The following BCAS3 variants were observed in gnomAD, a reference collection of about 807,000 sequenced individuals.
BCAS3 encodes the protein BCAS4/BCAS3 fusion.
BCAS3 carries 53 observed loss-of-function variants against 116.1 expected under a neutral mutation model. The observed-to-expected ratio is 0.46, with a 90% CI of 0.37 to 0.57. BCAS3 has a LOEUF of 0.57. BCAS3 is among the 20% of genes least tolerant of loss of function. The pLI is 0.00. For missense variants in BCAS3, 917 were observed against 1,165.4 expected, an observed-to-expected ratio of 0.79 and a Z score of 3.10; for synonymous variants, 391 against 408.2, an observed-to-expected ratio of 0.96 and a Z score of 0.51.
At chr17:61,061,382 A>T (rs1789520335) in intron 19 of BCAS3, among the ~76,000 whole-genome samples, 1 of 151,876 alleles carries the variant, frequency 6.6e-6, no homozygotes, top group African/African-American at 2.4e-5. Context: ...TGCAAACATC[A>T]CCCCCCATCC....
intron 6 of BCAS3, among the ~76,000 whole-genome samples, chr17:60,776,408 T>C (rs2045287076): frequency 6.6e-6 from 1 of 152,200 alleles, no homozygotes; most frequent in Admixed American, 6.5e-5. Context: ...TGTCCTTCTT[T>C]AACCTATCTT....
intron 22 of BCAS3, among the ~76,000 whole-genome samples, chr17:61,169,867 T>C (rs2078730123): frequency 6.6e-6 from 1 of 152,170 alleles, no homozygotes; most frequent in East Asian, 1.9e-4. Context: ...TATTTTCTTT[T>C]CTTTTGAGAC....
intron 6 of BCAS3, among the ~76,000 whole-genome samples, chr17:60,754,761 A>G (rs986704871): frequency 5.3e-5 from 8 of 150,788 alleles, no homozygotes; most frequent in Non-Finnish European, 7.4e-5. Flanking sequence ...CAGCCGAAAC[A>G]CTAGCAAGCC....
intron 22 of BCAS3, among the ~76,000 whole-genome samples, chr17:61,328,814 G>C (rs909946157): frequency 2.0e-5 from 3 of 151,748 alleles, no homozygotes; most frequent in African/African-American, 7.3e-5. Context: ...GGTGTGTGCT[G>C]AGGACCCACT....
Position 61,388,270 on chromosome 17 carries a change from C to T in BCAS3, c.2594-3707C>T. On this transcript the variant is annotated intron_variant, in intron 23 of 23. Transcript: ENST00000407086. The surrounding 1 kb of genome is among the most constrained non-coding windows in gnomAD (Gnocchi z 6.5). ...TCCCTGTCCTCCTCCAGCAACCCAC[C>T]TGCATGGGGTCCCATCTGGCACTGC... 1 of 230,626 alleles carries T rather than the reference C, an allele frequency of 4.3e-6. No individual in the cohort carries two copies. The highest frequency in any genetic ancestry group is 8.6e-6 in the Non-Finnish European group (1 of 116,640). The allele number at this position is 230,626 out of a possible 1,614,324, so 14.3% of individuals were successfully genotyped here.
chr17:61,047,944 G>A lies in BCAS3; in HGVS notation c.2029+7052G>A, dbSNP rs916339695. Among the ~76,000 whole-genome samples the A allele has an allele frequency of 7.9e-5, 12 of 152,096 alleles. 1 individual carries two copies. Among genetic ancestry groups the A allele is most frequent in the African/African-American group, 2.9e-4 (12 of 41,532 alleles). On this transcript the variant is annotated intron_variant, in intron 19 of 23. Transcript: ENST00000407086. ...ACTTCTTTCTAAATCAGGCTGTGATGTGTGAAAAGTTCCTCTGTAAACTTA... is the reference window on the plus strand; with the variant it reads ...ACTTCTTTCTAAATCAGGCTGTGATATGTGAAAAGTTCCTCTGTAAACTTA...
At chr17:60,874,611 A>C in intron 8 of BCAS3, 51 bp from the exon 9 acceptor site, 1 of 1,309,334 alleles carries the variant, frequency 7.6e-7, no homozygotes, top group Non-Finnish European at 1.1e-6. Flanking sequence ...CACTTACAGA[A>C]TTTCACATTC....
rs142627989 is a variant in BCAS3, at chr17:61,253,831, T to A, written c.2426-114496T>A. ...GACTTTAGAGATGATTAAGTATACATTACAGTTCGGCCTCCACGGTTTACA... is the reference window on the plus strand; with the variant it reads ...GACTTTAGAGATGATTAAGTATACAATACAGTTCGGCCTCCACGGTTTACA... On this transcript the variant is annotated intron_variant, in intron 22 of 23. Coordinates refer to ENST00000407086, the MANE Select transcript of BCAS3 (RefSeq NM_017679.5). 3.4e-4 allele frequency among the ~76,000 whole-genome samples: 52 copies of A among 152,222 alleles called. No homozygotes were observed. The East Asian group carries it at 8.3e-3, about 24-fold the overall frequency.
intron 4 of BCAS3, among the ~76,000 whole-genome samples, chr17:60,695,540 TC>T (rs1449005617): frequency 6.6e-6 from 1 of 152,238 alleles, no homozygotes; most frequent in Non-Finnish European, 1.5e-5. Flanking sequence ...AATTGTTGTA[TC>T]ATATGGTAAT....
At chr17:60,725,987 C>T (rs1359483070) in intron 5 of BCAS3, among the ~76,000 whole-genome samples, 2 of 152,144 alleles carry the variant, frequency 1.3e-5, no homozygotes, top group Non-Finnish European at 1.5e-5. Flanking sequence ...CCTCCACCTC[C>T]TGAGTTCAAG....
chr17:60,791,233 A>G (rs1189901238), intron 6 of BCAS3, among the ~76,000 whole-genome samples: 1 of 152,242 alleles, frequency 6.6e-6, no homozygotes, highest in East Asian at 1.9e-4. Context: ...AGTCTTAATT[A>G]TTATAATCAC....
intron 22 of BCAS3, among the ~76,000 whole-genome samples, chr17:61,120,679 TTGTAAATATTTTA>T (rs753625180): frequency 3.3e-5 from 5 of 152,086 alleles, no homozygotes; most frequent in Non-Finnish European, 7.4e-5. Flanking sequence ...GATACTTCAT[TTGTAAATATTTTA>T]GTACATATCT....
At chr17:60,855,765 G>C (rs1374929284) in intron 7 of BCAS3, among the ~76,000 whole-genome samples, 1 of 151,958 alleles carries the variant, frequency 6.6e-6, no homozygotes, top group African/African-American at 2.4e-5. Flanking sequence ...GCCCACTGCA[G>C]CCTCAACCCC....
At position 61,077,386 on chromosome 17, in the gene BCAS3, G is replaced by A. The variant is rs865838079; in HGVS notation, c.2131-947G>A. 2.0e-5 allele frequency among the ~76,000 whole-genome samples: 3 copies of A among 152,036 alleles called. No homozygotes were observed. The highest frequency in any genetic ancestry group is 4.8e-5 in the African/African-American group (2 of 41,406). On this transcript the variant is annotated intron_variant, in intron 20 of 23. Coordinates refer to ENST00000407086, the MANE Select transcript of BCAS3 (RefSeq NM_017679.5). This position sits in a 1 kb window ranked among gnomAD's most constrained non-coding sequence, Gnocchi z 4.3. The stretch of plus-strand genomic sequence containing the variant: ...CAAAAAATTAGCCGGGCGTGGTGGC[G>A]GGCGCCTGTAGTCCCAGCTACTGGG...
chr17:60,784,294 C>G (rs909791989), intron 6 of BCAS3, among the ~76,000 whole-genome samples: 1 of 141,274 alleles, frequency 7.1e-6, no homozygotes, highest in African/African-American at 2.6e-5. Flanking sequence ...AAAAATGAAA[C>G]AAATTTTTTT....
At chr17:60,793,548 GC>G (rs1270417842) in intron 6 of BCAS3, among the ~76,000 whole-genome samples, 1 of 151,260 alleles carries the variant, frequency 6.6e-6, no homozygotes, top group African/African-American at 2.4e-5. Context: ...TTTATCCATC[GC>G]CCCCATCTCA....
intron 5 of BCAS3, among the ~76,000 whole-genome samples, chr17:60,746,025 G>T (rs1388420566): frequency 6.6e-6 from 1 of 151,888 alleles, no homozygotes. Context: ...ATACATCTTT[G>T]ATATTTTAAA....
chr17:61,387,260 G>A lies in BCAS3; in HGVS notation c.2594-4717G>A, dbSNP rs1490776264. Among the ~76,000 whole-genome samples, 5 of 152,310 alleles carry A rather than the reference G, an allele frequency of 3.3e-5. 1 individual carries two copies. The highest frequency in any genetic ancestry group is 4.1e-4 in the South Asian group (2 of 4,830). ...GGAGGTGCATGGGCCCATGCTGCACGGCCCAGCTCAGGAGTAGGACAAGGT... is the reference window on the plus strand; with the variant it reads ...GGAGGTGCATGGGCCCATGCTGCACAGCCCAGCTCAGGAGTAGGACAAGGT... On this transcript the variant is annotated intron_variant, in intron 23 of 23. Coordinates refer to ENST00000407086, the MANE Select transcript of BCAS3 (RefSeq NM_017679.5). The surrounding 1 kb of genome is among the most constrained non-coding windows in gnomAD (Gnocchi z 6.2).
In BCAS3 at chr17:61,377,910, GTTA is replaced by G. The variant is rs1454993999; in HGVS notation, c.2593+9420_2593+9422del. Reference sequence around the variant, plus strand: ...ATAAGAAATTTGGGAAGAGGTTCCAGTTATTAAGATCCTGCCGGTCTCCCATGG... The same window carrying G: ...ATAAGAAATTTGGGAAGAGGTTCCAGTTAAGATCCTGCCGGTCTCCCATGG... On this transcript the variant is annotated intron_variant, in intron 23 of 23. Coordinates refer to ENST00000407086, the MANE Select transcript of BCAS3 (RefSeq NM_017679.5). This position sits in a 1 kb window ranked among gnomAD's most constrained non-coding sequence, Gnocchi z 4.6. The G allele has an allele frequency of 6.6e-6, 1 of 152,244 alleles. No individual in the cohort carries two copies. Among genetic ancestry groups the G allele is most frequent in the Non-Finnish European group, 1.5e-5 (1 of 68,054 alleles). The allele number at this position is 152,244 out of a possible 1,614,324, so 9.4% of individuals were successfully genotyped here.
Sources: allele counts gnomAD v4.1 joint callset (sites outside exome capture counted in the v4.1 genomes callset), GRCh38; gene constraint gnomAD v4.1.1; non-coding constraint Gnocchi (gnomAD v3.1); transcripts MANE v1.5; gene names NCBI Gene and HGNC (gene_info 2026-07-23, HGNC 2026-07-21).